Variants in MAP7 observed in about 807,000 individuals in gnomAD.
MAP7 encodes microtubule associated protein 7.
A neutral mutation model predicts 94.8 loss-of-function variants in MAP7; 52 were observed. That is an observed-to-expected ratio of 0.55 (90% CI 0.44 to 0.69). MAP7 has a LOEUF of 0.69. Among genes scored for constraint, MAP7 ranks in the 30% least tolerant of loss-of-function variants. The probability of loss-of-function intolerance (pLI) is 0.00; values close to 1 mark genes in which losing one functional copy is unlikely to be tolerated. For synonymous variants in MAP7, 350 were observed against 357.0 expected (o/e 0.98, Z 0.22); for missense variants, 940 against 964.6 (o/e 0.97, Z 0.34).
intron 1 of MAP7, among the ~76,000 whole-genome samples, chr6:136,507,862 A>G (rs1233456369): frequency 6.6e-6 from 1 of 152,230 alleles, no homozygotes; most frequent in Non-Finnish European, 1.5e-5. Context: ...TGGGCTCTGG[A>G]CTGGCTCCAG....
chr6:136,460,043 T>A (rs978409978), intron 1 of MAP7, among the ~76,000 whole-genome samples: 3 of 152,158 alleles, frequency 2.0e-5, no homozygotes, highest in South Asian at 2.1e-4. Flanking sequence ...AGGCACCCAC[T>A]TTTGAATCCC....
chr6:136,548,675 G>A (rs1829911749), intron 1 of MAP7, among the ~76,000 whole-genome samples: 1 of 152,174 alleles, frequency 6.6e-6, no homozygotes, highest in African/African-American at 2.4e-5. Flanking sequence ...ACATGCTCAG[G>A]CACTGAATAT....
At chr6:136,497,043 T>C (rs1012484393) in intron 1 of MAP7, among the ~76,000 whole-genome samples, 8 of 152,158 alleles carry the variant, frequency 5.3e-5, no homozygotes, top group African/African-American at 1.9e-4. Flanking sequence ...CATCATGTAG[T>C]GATATTTCCC....
intron 9 of MAP7, 37 bp downstream of exon 9, chr6:136,366,290 A>G (rs1262087772): frequency 1.3e-6 from 2 of 1,527,810 alleles, no homozygotes; most frequent in Admixed American, 3.3e-5. Flanking sequence ...ATTCTCTAAC[A>G]TGAAACAACC....
chr6:136,348,027 C>G (rs1451237246), intron 16 of MAP7, among the ~76,000 whole-genome samples: 1 of 140,004 alleles, frequency 7.1e-6, no homozygotes, highest in Non-Finnish European at 1.6e-5. Context: ...CCCCCCAAGT[C>G]ACGTGTGCAC....
chr6:136,540,923 A>G (rs1829257558), intron 1 of MAP7, among the ~76,000 whole-genome samples: 1 of 152,242 alleles, frequency 6.6e-6, no homozygotes, highest in African/African-American at 2.4e-5. Flanking sequence ...ATGTGAATCA[A>G]TGATACTCCA....
intron 1 of MAP7, among the ~76,000 whole-genome samples, chr6:136,524,649 G>A (rs1345818567): frequency 2.0e-5 from 3 of 152,152 alleles, no homozygotes; most frequent in Non-Finnish European, 4.4e-5. Context: ...CCTGTGTACT[G>A]TCTCATAAAA....
chr6:136,464,482 T>G (rs746822814), intron 1 of MAP7, among the ~76,000 whole-genome samples: 2 of 152,222 alleles, frequency 1.3e-5, no homozygotes, highest in Non-Finnish European at 2.9e-5. Context: ...GTTAATCTCT[T>G]ACTGTGCCTA....
intron 16 of MAP7, among the ~76,000 whole-genome samples, chr6:136,355,473 TA>T (rs1166954081): frequency 2.0e-5 from 3 of 152,036 alleles, no homozygotes; most frequent in Non-Finnish European, 4.4e-5. Flanking sequence ...AAAAAATAAA[TA>T]AATAAAAATT....
At chr6:136,422,539 C>T (rs528179643) in intron 1 of MAP7, among the ~76,000 whole-genome samples, 2 of 152,176 alleles carry the variant, frequency 1.3e-5, no homozygotes, top group South Asian at 4.1e-4. Context: ...ACTTCATTAT[C>T]GTCTGCATGT....
intron 1 of MAP7, among the ~76,000 whole-genome samples, chr6:136,431,440 C>T (rs1206780528): frequency 1.3e-5 from 2 of 152,140 alleles, no homozygotes; most frequent in African/African-American, 2.4e-5. Context: ...AGGGAAGGGG[C>T]TATATCATTC....
chr6:136,517,844 G>A (rs984283451), intron 1 of MAP7, among the ~76,000 whole-genome samples: 1 of 152,178 alleles, frequency 6.6e-6, no homozygotes, highest in African/African-American at 2.4e-5. Context: ...TCCCTGATAA[G>A]GGCTGGTTCT....
At chr6:136,344,354 C>G in intron 17 of MAP7, 116 bp from the exon 18 acceptor site, 1 of 393,238 alleles carries the variant, frequency 2.5e-6, no homozygotes, top group Non-Finnish European at 4.5e-6. Flanking sequence ...GTTATATACA[C>G]TTATATAAGA....
chr6:136,485,326 T>A lies in MAP7; in HGVS notation c.68-63527A>T, dbSNP rs115172719. Among the ~76,000 whole-genome samples the A allele has an allele frequency of 5.6e-3, 855 of 152,332 alleles. 4 individuals are homozygous for A. The highest frequency in any genetic ancestry group is 0.039 in the East Asian group (200 of 5,184). On this transcript the variant is annotated intron_variant, in intron 1 of 17. Coordinates refer to ENST00000354570, the MANE Select transcript of MAP7 (RefSeq NM_003980.6). ...AATGTCATTACATTATGTTTATTAG[T>A]TTTATTATTGCAGGATTGTCTTTAA...
At chr6:136,540,413 T>C (rs1482189018) in intron 1 of MAP7, among the ~76,000 whole-genome samples, 2 of 148,774 alleles carry the variant, frequency 1.3e-5, no homozygotes, top group Non-Finnish European at 3.0e-5. Flanking sequence ...AGGAAGGCAG[T>C]GTAGGAGCTA....
chr6:136,431,885 C>T (rs1048292377), intron 1 of MAP7, among the ~76,000 whole-genome samples: 2 of 152,142 alleles, frequency 1.3e-5, no homozygotes, highest in Non-Finnish European at 2.9e-5. Flanking sequence ...ACTTTGAAGA[C>T]TGAAGTGGTT....
intron 1 of MAP7, among the ~76,000 whole-genome samples, chr6:136,530,323 C>G (rs1424788503): frequency 6.6e-6 from 1 of 152,150 alleles, no homozygotes; most frequent in Non-Finnish European, 1.5e-5. Flanking sequence ...TCATCAGGGT[C>G]CAGAAGTGCC....
At chr6:136,470,929 A>C (rs914609244) in intron 1 of MAP7, among the ~76,000 whole-genome samples, 2 of 152,188 alleles carry the variant, frequency 1.3e-5, no homozygotes, top group Non-Finnish European at 2.9e-5. Flanking sequence ...CATATTTTAC[A>C]CTAGAATCAT....
At chr6:136,536,206 A>T (rs555420992) in intron 1 of MAP7, among the ~76,000 whole-genome samples, 1 of 152,322 alleles carries the variant, frequency 6.6e-6, no homozygotes, top group South Asian at 2.1e-4. Context: ...AATTTCCAAG[A>T]AGTAGATATT....
Sources: allele counts gnomAD v4.1 joint callset (sites outside exome capture counted in the v4.1 genomes callset), GRCh38; gene constraint gnomAD v4.1.1; transcripts MANE v1.5; gene names NCBI Gene and HGNC (gene_info 2026-07-23, HGNC 2026-07-21).